Variants in ANO7 observed in about 807,000 individuals in gnomAD.
ANO7 encodes anoctamin 7.
In ANO7, 114 loss-of-function variants were observed where a neutral mutation model predicts 115.8. The ratio of observed to expected loss-of-function variants is 0.98; its 90% CI spans 0.85 to 1.15. The LOEUF (loss-of-function observed/expected upper bound fraction) is 1.15. Ranked by LOEUF, ANO7 falls within the 50% of genes most tolerant of loss-of-function variation. ANO7 has a pLI of 0.00. For missense variants in ANO7, 1,302 were observed against 1,201.2 expected, an observed-to-expected ratio of 1.08 and a Z score of -1.24; for synonymous variants, 550 against 498.2, an observed-to-expected ratio of 1.10 and a Z score of -1.38.
At chr2:241,238,043 G>A in the ANO7 span, among the ~76,000 whole-genome samples, 1 of 152,160 alleles carries the variant, frequency 6.6e-6, no homozygotes, top group Non-Finnish European at 1.5e-5. This position sits in a 1 kb window ranked among gnomAD's most constrained non-coding sequence, Gnocchi z 4.9. Flanking sequence ...AGTGGAGGGC[G>A]GGCATCTGAT....
downstream of ANO7, chr2:241,230,034 T>G: frequency 6.3e-7 from 1 of 1,579,056 alleles, no homozygotes; most frequent in Non-Finnish European, 8.6e-7. This position sits in a 1 kb window ranked among gnomAD's most constrained non-coding sequence, Gnocchi z 5.0. Flanking sequence ...TGCTCACCCC[T>G]GCACCTCGCC....
intron 4 of ANO7, 198 bp from the exon 5 acceptor site, chr2:241,199,118 G>A (rs894082951): frequency 1.8e-5 from 10 of 561,522 alleles, no homozygotes; most frequent in Admixed American, 8.7e-5. Context: ...ACTCCCAAAC[G>A]GGGCTGTCGA....
chr2:241,215,289 G>A (rs888675211), intron 18 of ANO7, among the ~76,000 whole-genome samples: 1 of 152,208 alleles, frequency 6.6e-6, no homozygotes, highest in Non-Finnish European at 1.5e-5. Context: ...AGGAGGAAAA[G>A]GAGGTCCCAG....
Position 241,207,657 on chromosome 2 carries a change from G to A in ANO7, c.1064G>A (p.Cys355Tyr). The A allele has an allele frequency of 1.2e-6, 2 of 1,613,764 alleles. No individual in the cohort carries two copies. The highest frequency in any genetic ancestry group is 2.7e-5 in the African/African-American group (2 of 75,050). Residue 355 changes from cysteine to tyrosine, a missense_variant, in exon 11 of 25, where the codon TGT becomes TAT. Physicochemically the swap from Cys to Tyr is radical, Grantham distance 194 (BLOSUM62 -2). Coordinates refer to ENST00000674324, the MANE Select transcript of ANO7 (RefSeq NM_001370694.2). ...DCPFWLLSSA[C>Y]ALAQAGRLFD... Reference sequence around the variant, plus strand: ...CCTTTCTGGCTGCTCTCCAGCGCCTGTGCCCTGGCCCAGGTACGAGAAGAG... The same window carrying A: ...CCTTTCTGGCTGCTCTCCAGCGCCTATGCCCTGGCCCAGGTACGAGAAGAG...
At chr2:241,211,237 G>A (rs1219286029) in intron 15 of ANO7, among the ~76,000 whole-genome samples, 4 of 152,220 alleles carry the variant, frequency 2.6e-5, no homozygotes, top group Non-Finnish European at 5.9e-5. Context: ...CTCTAGGATA[G>A]GGCCGCTGAG....
the ANO7 span, among the ~76,000 whole-genome samples, chr2:241,231,908 C>A: frequency 1.0e-5 from 1 of 98,786 alleles, no homozygotes; most frequent in Non-Finnish European, 2.6e-5. Context: ...TCACAACCAT[C>A]ACGCAACAGG....
chr2:241,229,674 C>T (rs752977176), downstream of ANO7: 1 of 1,614,174 alleles, frequency 6.2e-7, no homozygotes, highest in Non-Finnish European at 8.5e-7. Flanking sequence ...CTCAGAGCTG[C>T]TCATGTCAGG....
the ANO7 span, chr2:241,235,287 G>C: frequency 6.8e-6 from 11 of 1,613,962 alleles, no homozygotes; most frequent in Non-Finnish European, 9.3e-6. Context: ...TTGACGTTCA[G>C]GACCCCAGAG....
intron 5 of ANO7, 127 bp from the exon 6 acceptor site, chr2:241,199,962 C>A: frequency 8.8e-7 from 1 of 1,133,426 alleles, no homozygotes; most frequent in Non-Finnish European, 1.2e-6. Flanking sequence ...GGGTCTACCA[C>A]GCTCCTTCCC....
rs777057007 is a variant in ANO7 at position 241,203,592 on chromosome 2, C to T, written c.889+94C>T. ...GCCAGTCCGTACCCCTGGAGGGCAG[C>T]GTGCGTGGGGGCCTGGACGGTGGGC... is the stretch of plus-strand genomic sequence containing the variant. On this transcript the variant is annotated intron_variant, in intron 9 of 24. Coordinates refer to ENST00000674324, the MANE Select transcript of ANO7 (RefSeq NM_001370694.2). This position sits in a 1 kb window ranked among gnomAD's most constrained non-coding sequence, Gnocchi z 4.8. The T allele has an allele frequency of 2.8e-5, 27 of 956,394 alleles. No individual in the cohort carries two copies. The highest frequency in any genetic ancestry group is 2.4e-4 in the Middle Eastern group (1 of 4,238). 59.2% of individuals were successfully genotyped at this position (956,394 alleles called of 1,614,324 possible).
At chr2:241,205,003 G>C in intron 10 of ANO7, 48 bp downstream of exon 10, 4 of 1,559,846 alleles carry the variant, frequency 2.6e-6, no homozygotes, top group Non-Finnish European at 3.5e-6. Flanking sequence ...TGGGCCTCCA[G>C]ATGGGTGTGG....
intron 21 of ANO7, among the ~76,000 whole-genome samples, chr2:241,222,176 G>A (rs1352402944): frequency 6.6e-6 from 1 of 152,008 alleles, no homozygotes; most frequent in African/African-American, 2.4e-5. Context: ...GGAGGTTGCA[G>A]TAAGCGAAGA....
downstream of ANO7, chr2:241,230,358 G>C: frequency 1.2e-6 from 1 of 853,324 alleles, no homozygotes; most frequent in Admixed American, 2.4e-5. This position sits in a 1 kb window ranked among gnomAD's most constrained non-coding sequence, Gnocchi z 5.0. Flanking sequence ...AGCATTTTCT[G>C]AGTTAGCAAA....
chr2:241,236,279 G>A, the ANO7 span: 6 of 329,280 alleles, frequency 1.8e-5, no homozygotes, highest in Middle Eastern at 9.4e-4. Context: ...CCACTCACGC[G>A]GGGGGAGACG....
At position 241,203,785 on chromosome 2, in the gene ANO7, G is replaced by T. The variant is rs2068528016; in HGVS notation, c.889+287G>T. On this transcript the variant is annotated intron_variant, in intron 9 of 24. Coordinates refer to ENST00000674324, the MANE Select transcript of ANO7 (RefSeq NM_001370694.2). The surrounding 1 kb of genome is among the most constrained non-coding windows in gnomAD (Gnocchi z 4.8). Reference sequence around the variant, plus strand: ...CCTGACTCCCTCCCCGAATGTCACTGGCCCATGAGGCCCTGGGGCAACCCC... The same window carrying T: ...CCTGACTCCCTCCCCGAATGTCACTTGCCCATGAGGCCCTGGGGCAACCCC... Among the ~76,000 whole-genome samples, 1 of 151,998 alleles carries T rather than the reference G, an allele frequency of 6.6e-6. No homozygotes were observed. The highest frequency in any genetic ancestry group is 1.5e-5 in the Non-Finnish European group (1 of 67,974).
At chr2:241,231,761 ACAAGCAGAC>A in the ANO7 span, among the ~76,000 whole-genome samples, 3 of 152,212 alleles carry the variant, frequency 2.0e-5, no homozygotes, top group East Asian at 1.9e-4. Flanking sequence ...GGGATAGCAG[ACAAGCAGAC>A]CAAGCAGACA....
At chr2:241,204,111 G>A (rs960475904) in intron 9 of ANO7, among the ~76,000 whole-genome samples, 10 of 152,212 alleles carry the variant, frequency 6.6e-5, no homozygotes, top group African/African-American at 2.4e-4. Flanking sequence ...AAGGGCAGCC[G>A]GGGCACAGCA....
Position 241,199,436 on chromosome 2 carries a change from C to T in ANO7, c.417+13C>T, listed in dbSNP as rs2149144913. 1 of 1,613,170 alleles carries T rather than the reference C, an allele frequency of 6.2e-7. No homozygotes were observed. The highest frequency in any genetic ancestry group is 1.7e-5 in the Admixed American group (1 of 60,020). On this transcript the variant is annotated intron_variant, in intron 5 of 24. Transcript: ENST00000674324. ...GCTGCCCTTGCAGGTACGTGGGAGG[C>T]ATGGGGACAGGGTGGGCCTGGAGGT...
intron 2 of ANO7, among the ~76,000 whole-genome samples, chr2:241,190,981 C>T (rs962140483): frequency 4.1e-4 from 63 of 152,358 alleles, no homozygotes; most frequent in African/African-American, 1.2e-3. Flanking sequence ...TGCCGCTCCC[C>T]GCGCCTGCGC....
Sources: gnomAD v4.1 joint callset for allele counts (sites outside exome capture counted in the v4.1 genomes callset) on GRCh38, gnomAD v4.1.1 for gene constraint, Gnocchi (gnomAD v3.1) non-coding constraint, MANE v1.5 for transcripts, NCBI Gene and HGNC (gene_info 2026-07-23, HGNC 2026-07-21) for gene names.